The following SH3D19 variants were observed in gnomAD, a reference collection of about 807,000 sequenced individuals.
The protein encoded by SH3D19 is SH3 domain containing 19.
A neutral mutation model predicts 112.1 loss-of-function variants in SH3D19; 58 were observed. The observed-to-expected ratio is 0.52, with a 90% CI of 0.42 to 0.64. The LOEUF (loss-of-function observed/expected upper bound fraction) is 0.64, where lower values mean the gene tolerates loss of function less well. Among genes scored for constraint, SH3D19 ranks in the 30% least tolerant of loss-of-function variants. SH3D19 has a pLI of 0.00. For missense variants in SH3D19, 1,090 were observed against 1,263.4 expected (o/e 0.86, Z 2.08); for synonymous variants, 391 against 448.5 (o/e 0.87, Z 1.62).
intron 11 of SH3D19, chr4:151,144,320 C>T: frequency 6.3e-7 from 1 of 1,589,194 alleles, no homozygotes; most frequent in Admixed American, 1.7e-5. Context: ...GGCTTATTCA[C>T]AATCAAATAA....
intron 1 of SH3D19, among the ~76,000 whole-genome samples, chr4:151,322,890 T>C (rs1730692588): frequency 3.9e-5 from 6 of 152,088 alleles, no homozygotes; most frequent in Admixed American, 3.3e-4. Context: ...AACTAAACAA[T>C]ATTTTATAGA....
intron 9 of SH3D19, among the ~76,000 whole-genome samples, chr4:151,151,636 C>G (rs1247089999): frequency 6.6e-6 from 1 of 152,148 alleles, no homozygotes; most frequent in Non-Finnish European, 1.5e-5. Flanking sequence ...GCCCTTAAAA[C>G]TTGGTTTCAC....
intron 1 of SH3D19, among the ~76,000 whole-genome samples, chr4:151,295,809 G>A (rs1230761175): frequency 2.0e-5 from 3 of 152,106 alleles, no homozygotes; most frequent in Admixed American, 6.5e-5. Flanking sequence ...AGGCTGAGGC[G>A]GGCGGATCAC....
chr4:151,275,349 A>G (rs573293361), intron 1 of SH3D19, among the ~76,000 whole-genome samples: 1 of 152,298 alleles, frequency 6.6e-6, no homozygotes, highest in South Asian at 2.1e-4. Flanking sequence ...GGCCTCCCAG[A>G]GTGCTGGGAT....
intron 2 of SH3D19, among the ~76,000 whole-genome samples, chr4:151,199,088 C>T (rs527344494): frequency 4.7e-5 from 7 of 150,470 alleles, no homozygotes; most frequent in Non-Finnish European, 7.4e-5. Context: ...ATTTGGTAGC[C>T]GAAGGACATT....
intron 2 of SH3D19, among the ~76,000 whole-genome samples, chr4:151,221,341 CTTCT>C (rs1768005374): frequency 2.2e-5 from 1 of 46,490 alleles, no homozygotes; most frequent in Non-Finnish European, 1.5e-4. Context: ...TTTATATTTT[CTTCT>C]TTCTGCTCTG....
chr4:151,272,459 AATAG>A (rs1773293708), intron 1 of SH3D19, among the ~76,000 whole-genome samples: 1 of 152,194 alleles, frequency 6.6e-6, no homozygotes, highest in African/African-American at 2.4e-5. Flanking sequence ...TGTCTTTAGG[AATAG>A]ATATTTTCTT....
intron 17 of SH3D19, 109 bp downstream of exon 17, chr4:151,132,222 T>C: frequency 2.4e-6 from 2 of 841,096 alleles, no homozygotes; most frequent in South Asian, 1.7e-5. Flanking sequence ...ATTTGTTGTA[T>C]GAATTGAAAA....
chr4:151,267,245 GGATT>G (rs1292281427), intron 1 of SH3D19, among the ~76,000 whole-genome samples: 1 of 151,970 alleles, frequency 6.6e-6, no homozygotes, highest in African/African-American at 2.4e-5. Context: ...TGAGGTGGGA[GGATT>G]GATTAAGCCT....
intron 7 of SH3D19, among the ~76,000 whole-genome samples, chr4:151,169,527 C>T (rs1386704107): frequency 6.6e-6 from 1 of 152,124 alleles, no homozygotes; most frequent in Non-Finnish European, 1.5e-5. Context: ...GAGCCAGAGG[C>T]CTGTTTTTTA....
At chr4:151,172,443 A>G (rs998601575) in intron 7 of SH3D19, among the ~76,000 whole-genome samples, 9 of 152,168 alleles carry the variant, frequency 5.9e-5, no homozygotes, top group African/African-American at 2.2e-4. Flanking sequence ...CAGTCATCAG[A>G]GTGTAAAGGC....
At chr4:151,221,740 A>T (rs1005812666) in intron 2 of SH3D19, among the ~76,000 whole-genome samples, 1 of 152,218 alleles carries the variant, frequency 6.6e-6, no homozygotes, top group African/African-American at 2.4e-5. Context: ...AGTCCTAAAG[A>T]ACTTGACAGT....
At chr4:151,150,204 A>ATATAT (rs147138936) in intron 9 of SH3D19, among the ~76,000 whole-genome samples, 2 of 59,006 alleles carry the variant, frequency 3.4e-5, no homozygotes, top group African/African-American at 1.0e-4. Context: ...AAAAAAAAAA[A>ATATAT]AAATATATAT....
At chr4:151,249,789 A>C (rs1397741126) in intron 1 of SH3D19, among the ~76,000 whole-genome samples, 1 of 152,222 alleles carries the variant, frequency 6.6e-6, no homozygotes, top group African/African-American at 2.4e-5. Context: ...CTCTTTCAGC[A>C]ATTAGTTAAG....
chr4:151,132,744 G>A (rs531043616), intron 16 of SH3D19, among the ~76,000 whole-genome samples: 2 of 151,980 alleles, frequency 1.3e-5, no homozygotes, highest in East Asian at 1.9e-4. Context: ...CAGGCAATCC[G>A]CCCACCGTGG....
At chr4:151,136,752 A>G (rs1267126044) in intron 14 of SH3D19, among the ~76,000 whole-genome samples, 1 of 152,198 alleles carries the variant, frequency 6.6e-6, no homozygotes, top group African/African-American at 2.4e-5. Flanking sequence ...GAGTGCTAAA[A>G]CAAACATTAT....
chr4:151,130,612 T>C (rs1190010146), intron 17 of SH3D19, among the ~76,000 whole-genome samples: 1 of 152,116 alleles, frequency 6.6e-6, no homozygotes, highest in Non-Finnish European at 1.5e-5. Context: ...ATGAAACAAA[T>C]GTTCCTAAAT....
chr4:151,250,219 A>C (rs1026837973), intron 1 of SH3D19, among the ~76,000 whole-genome samples: 1 of 152,242 alleles, frequency 6.6e-6, no homozygotes, highest in Non-Finnish European at 1.5e-5. Flanking sequence ...ACAGCAAAAA[A>C]TAAAGAAAAT....
chr4:151,283,107 T>TC, intron 1 of SH3D19: 1 of 1,613,210 alleles, frequency 6.2e-7, no homozygotes, highest in Non-Finnish European at 8.5e-7. Flanking sequence ...GTTCCTGTCT[T>TC]CCTCCACAGA....
Sources: allele counts gnomAD v4.1 joint callset (sites outside exome capture counted in the v4.1 genomes callset), GRCh38; gene constraint gnomAD v4.1.1; transcripts MANE v1.5; gene names NCBI Gene and HGNC (gene_info 2026-07-23, HGNC 2026-07-21).